ECE1: variants seen among roughly 807,000 people sequenced by gnomAD.
The protein encoded by ECE1 is endothelin converting enzyme 1.
A neutral mutation model predicts 98.6 loss-of-function variants in ECE1; 35 were observed. The ratio of observed to expected loss-of-function variants is 0.35; its 90% CI spans 0.27 to 0.47. The LOEUF (loss-of-function observed/expected upper bound fraction) is 0.47. ECE1 is among the 20% of genes least tolerant of loss of function. ECE1 has a pLI of 1.00. For missense variants in ECE1, 814 were observed against 1,025.3 expected, an observed-to-expected ratio of 0.79 and a Z score of 2.81; for synonymous variants, 394 against 407.1, an observed-to-expected ratio of 0.97 and a Z score of 0.39.
Position 21,260,498 on chromosome 1 carries a change from G to A in ECE1, c.494-106C>T. ...CCTTGGTGTTCTCAGCTGCAAAGGA[G>A]CTCTGACATCTGCCTGTCGGAGTGG... On this transcript the variant is annotated intron_variant, in intron 4 of 18. Coordinates refer to ENST00000374893, the MANE Select transcript of ECE1 (RefSeq NM_001397.3). This position sits in a 1 kb window ranked among gnomAD's most constrained non-coding sequence, Gnocchi z 4.3. 6 of 1,394,482 alleles carry A rather than the reference G, an allele frequency of 4.3e-6. No homozygotes were observed. Among genetic ancestry groups the A allele is most frequent in the Non-Finnish European group, 3.0e-6 (3 of 986,744 alleles). 86.4% of individuals were successfully genotyped at this position (1,394,482 alleles called of 1,614,324 possible). A position where few individuals can be genotyped will look rare whatever the true frequency, so the allele number is the denominator to read the frequency against.
rs1638927212 is a variant in ECE1, at chr1:21,320,009, C to T, written c.3+25367G>A. Among the ~76,000 whole-genome samples the T allele has an allele frequency of 2.6e-5, 4 of 152,180 alleles. No individual in the cohort carries two copies. In the South Asian group the frequency reaches 8.3e-4, roughly 32 times the overall value. ...TTGGGTCACACATAAAATACACCAA[C>T]GATAGCCGATCAGCTAAAAAACAAA... On this transcript the variant is annotated intron_variant, in intron 1 of 18. Coordinates refer to the ECE1 transcript ENST00000415912.
chr1:21,293,215 G>C (rs1402698866), upstream of ECE1: 1 of 152,156 alleles, frequency 6.6e-6, no homozygotes, highest in East Asian at 1.9e-4. Context: ...GCCCAGGTGT[G>C]GTTAAGCGAT....
Position 21,319,195 on chromosome 1 carries a change from A to C in ECE1, c.3+26181T>G, listed in dbSNP as rs1288417145. On this transcript the variant is annotated intron_variant, in intron 1 of 18. Coordinates refer to the ECE1 transcript ENST00000415912. This position sits in a 1 kb window ranked among gnomAD's most constrained non-coding sequence, Gnocchi z 4.4. ...CCCCGTCTCCACTAAAATACAAAAA[A>C]GTAGCCAGGCGTGGTGGTGTGCGTC... Among the ~76,000 whole-genome samples, 6 of 152,148 alleles carry C rather than the reference A, an allele frequency of 3.9e-5. No homozygotes were observed. The highest frequency in any genetic ancestry group is 1.4e-4 in the African/African-American group (6 of 41,424).
chr1:21,247,084 A>T, intron 9 of ECE1, 137 bp downstream of exon 9: 1 of 1,219,824 alleles, frequency 8.2e-7, no homozygotes, highest in Non-Finnish European at 1.2e-6. Flanking sequence ...TGTAACCAGG[A>T]TGTCCTGCTG....
chr1:21,246,203 A>T (rs1452061549), intron 9 of ECE1, among the ~76,000 whole-genome samples: 2 of 152,144 alleles, frequency 1.3e-5, no homozygotes, highest in East Asian at 1.9e-4. Flanking sequence ...AAAATTTTTT[A>T]AAAATTATAA....
rs1215960476 is a variant in ECE1, at chr1:21,219,758, C to G, written c.*197G>C. ...TGGCGCACACGTGTGCCTGGGATGT[C>G]CGGCTCTTCACAGGGGATCAGACTG... On this transcript the variant is annotated 3_prime_UTR_variant, in exon 19 of 19. Coordinates refer to ENST00000374893, the MANE Select transcript of ECE1 (RefSeq NM_001397.3). This position sits in a 1 kb window ranked among gnomAD's most constrained non-coding sequence, Gnocchi z 4.5. 14 of 675,862 alleles carry G rather than the reference C, an allele frequency of 2.1e-5. No individual in the cohort carries two copies. Among genetic ancestry groups the G allele is most frequent in the Admixed American group, 2.4e-5 (1 of 41,558 alleles). The allele number at this position is 675,862 out of a possible 1,614,324, so 41.9% of individuals were successfully genotyped here.
Position 21,238,216 on chromosome 1 carries a change from AC to A in ECE1, c.1306del (p.Val436Ter). On this transcript the variant is annotated frameshift_variant, in exon 11 of 19. Coordinates refer to ENST00000374893, the MANE Select transcript of ECE1 (RefSeq NM_001397.3). LOFTEE classifies it high-confidence loss of function. ...KTCLPRWKFCVSDTENNLGFA... is the reference protein window; with the variant it reads ...KTCLPRWKFCXSDTENNLGFA... Reference sequence around the variant, plus strand: ...GCCCAGGTTGTTTTCTGTGTCACTCACGCAAAACTTCCAGCGAGGAAGACAG... The same window carrying A: ...GCCCAGGTTGTTTTCTGTGTCACTCAGCAAAACTTCCAGCGAGGAAGACAG... 6.2e-7 allele frequency: 1 copy of A among 1,614,232 alleles called. No homozygotes were observed. Among genetic ancestry groups the A allele is most frequent in the Non-Finnish European group, 8.5e-7 (1 of 1,180,034 alleles).
At chr1:21,246,521 A>T (rs562411627) in intron 9 of ECE1, among the ~76,000 whole-genome samples, 1 of 151,132 alleles carries the variant, frequency 6.6e-6, no homozygotes, top group African/African-American at 2.4e-5. Context: ...AAAAGAAAAG[A>T]AAAGAAAGAA....
intron 4 of ECE1, 95 bp downstream of exon 4, chr1:21,272,604 C>T: frequency 2.0e-6 from 3 of 1,489,558 alleles, no homozygotes; most frequent in Non-Finnish European, 2.8e-6. Context: ...TTCTGCCAAG[C>T]TCCTCCTTTA....
chr1:21,311,509 C>CAAAAAAAAAAAAAAAAA (rs397979522), intron 1 of ECE1, among the ~76,000 whole-genome samples: 2 of 74,286 alleles, frequency 2.7e-5, no homozygotes, highest in Admixed American at 1.6e-4. Flanking sequence ...CCTGTCTCCA[C>CAAAAAAAAAAAAAAAAA]AAAAAAAAAA....
intron 8 of ECE1, among the ~76,000 whole-genome samples, chr1:21,250,812 CCTGA>C (rs755853197): frequency 1.3e-5 from 2 of 152,046 alleles, no homozygotes; most frequent in Non-Finnish European, 2.9e-5. Context: ...GGGAGACCAT[CCTGA>C]CTAAGAGGGT....
At chr1:21,308,622 C>T (rs1374463433) in intron 1 of ECE1, among the ~76,000 whole-genome samples, 1 of 152,130 alleles carries the variant, frequency 6.6e-6, no homozygotes, top group African/African-American at 2.4e-5. Context: ...TGGGTGACCT[C>T]AAGCAAGTTA....
intron 14 of ECE1, among the ~76,000 whole-genome samples, chr1:21,232,250 GA>G (rs2098182689): frequency 6.6e-6 from 1 of 152,046 alleles, no homozygotes. Context: ...CTGAAGACTG[GA>G]ACTGGGCTGA....
At chr1:21,224,332 T>C (rs1457853605) in intron 17 of ECE1, among the ~76,000 whole-genome samples, 2 of 152,252 alleles carry the variant, frequency 1.3e-5, no homozygotes, top group Non-Finnish European at 2.9e-5. Context: ...AGATTTATGA[T>C]GTATTTATTT....
intron 1 of ECE1, among the ~76,000 whole-genome samples, chr1:21,325,796 A>C (rs1309398298): frequency 6.6e-6 from 1 of 152,220 alleles, no homozygotes; most frequent in South Asian, 2.1e-4. Context: ...AGCAGACATG[A>C]AACAGGTACG....
At chr1:21,284,140 G>A (rs530658982) in intron 2 of ECE1, among the ~76,000 whole-genome samples, 14 of 152,338 alleles carry the variant, frequency 9.2e-5, no homozygotes, top group South Asian at 4.1e-4. Flanking sequence ...CATCCCTGTC[G>A]CACCTGCCCA....
At chr1:21,279,696 T>C (rs2098252157) in intron 2 of ECE1, 1 of 1,375,452 alleles carries the variant, frequency 7.3e-7, no homozygotes, top group African/African-American at 1.5e-5. Context: ...AGTACCCAGC[T>C]GGGCTCTCTG....
intron 1 of ECE1, among the ~76,000 whole-genome samples, chr1:21,323,340 G>C (rs1159425845): frequency 6.6e-6 from 1 of 152,162 alleles, no homozygotes; most frequent in African/African-American, 2.4e-5. Flanking sequence ...ACTGCAGGCC[G>C]GATACTCTGC....
Position 21,256,078 on chromosome 1 carries a change from C to T in ECE1, c.889G>A (p.Glu297Lys), listed in dbSNP as rs879532313. The T allele has an allele frequency of 3.7e-6, 6 of 1,610,296 alleles. No individual in the cohort carries two copies. The highest frequency in any genetic ancestry group is 1.3e-5 in the African/African-American group (1 of 74,896). Reference protein sequence around the residue: ...QLGKLLGGGDEEAIRPQMQQI... With the variant: ...QLGKLLGGGDKEAIRPQMQQI... The stretch of plus-strand genomic sequence containing the variant: ...TGCATCTGGGGCCGGATGGCCTCCT[C>T]GTCCCCGCCGCCCAGCAGCTTCCCC... Residue 297 changes from glutamate to lysine, a missense_variant, in exon 8 of 19, where the codon GAG becomes AAG. Physicochemically the swap from Glu to Lys is moderately conservative, Grantham distance 56. Coordinates refer to ENST00000374893, the MANE Select transcript of ECE1 (RefSeq NM_001397.3).
Sources: allele counts gnomAD v4.1 joint callset (sites outside exome capture counted in the v4.1 genomes callset), GRCh38; gene constraint gnomAD v4.1.1; non-coding constraint Gnocchi (gnomAD v3.1); transcripts MANE v1.5; gene names NCBI Gene and HGNC (gene_info 2026-07-23, HGNC 2026-07-21).